The following DHTKD1 variants were observed in gnomAD, a reference collection of about 807,000 sequenced individuals.
DHTKD1 encodes the protein dehydrogenase E1 and transketolase domain containing 1.
In DHTKD1, 78 loss-of-function variants were observed where a neutral mutation model predicts 101.8. The observed-to-expected ratio is 0.77, with a 90% confidence interval of 0.64 to 0.93. The LOEUF is 0.93. Ranked by LOEUF, DHTKD1 falls within the 40% of genes least tolerant of loss-of-function variation. The pLI is 0.00. For synonymous variants in DHTKD1, 462 were observed against 450.3 expected (o/e 1.03, Z -0.33); for missense variants, 1,223 against 1,161.7 (o/e 1.05, Z -0.77).
chr10:12,094,677 G>A (rs957739950), intron 7 of DHTKD1, among the ~76,000 whole-genome samples: 4 of 151,870 alleles, frequency 2.6e-5, no homozygotes, highest in Non-Finnish European at 1.5e-5. Flanking sequence ...CACAGTTCTG[G>A]GCTGGAGTGC....
At chr10:12,092,738 G>A (rs1012112679) in intron 6 of DHTKD1, among the ~76,000 whole-genome samples, 1 of 151,974 alleles carries the variant, frequency 6.6e-6, no homozygotes, top group African/African-American at 2.4e-5. Flanking sequence ...GGGAGGCGGA[G>A]GTTGCAGTGA....
Position 12,097,707 on chromosome 10 carries a change from CAT to C in DHTKD1, c.1385_1386del (p.Tyr462CysfsTer17). 1 of 1,613,486 alleles carries C rather than the reference CAT, an allele frequency of 6.2e-7. No individual in the cohort carries two copies. The highest frequency in any genetic ancestry group is 8.5e-7 in the Non-Finnish European group (1 of 1,179,634). ...AGAGCTCGAAAGAGCATTCCAGACA[CAT>C]ATGCAGAGCACCTCATTGCTGGCGG... is the stretch of plus-strand genomic sequence containing the variant. On this transcript the variant is annotated frameshift_variant, in exon 8 of 17. Coordinates refer to ENST00000263035, the MANE Select transcript of DHTKD1 (RefSeq NM_018706.7). LOFTEE classifies it high-confidence loss of function.
rs1161663539 is a variant in DHTKD1 at position 12,084,637 on chromosome 10, A to G, written c.408A>G (p.Gln136=). The change falls in exon 3 of 17, where the codon CAA becomes CAG. Residue 136 remains glutamine (Q), a synonymous_variant. Transcript: ENST00000263035. The part of the protein sequence containing the change: ...YCGQISIETS[Q]LQSQDEKDWF... ...GGCAGATTTCTATTGAAACCTCCCA[A>G]CTTCAGAGCCAGGATGAGAAAGACT... 2.5e-6 allele frequency: 4 copies of G among 1,613,964 alleles called. No individual in the cohort carries two copies. Among genetic ancestry groups the G allele is most frequent in the Non-Finnish European group, 3.4e-6 (4 of 1,179,950 alleles).
intron 7 of DHTKD1, among the ~76,000 whole-genome samples, chr10:12,094,524 A>T (rs769720981): frequency 6.6e-6 from 1 of 150,782 alleles, no homozygotes; most frequent in Admixed American, 6.6e-5. Context: ...TTTAGTAGAG[A>T]TGGAGTTTTG....
In DHTKD1 at chr10:12,101,090, G is replaced by T; in HGVS notation, c.1805G>T (p.Ser602Ile). Reference protein sequence around the residue: ...SGQDVGRGTFSQRHAIVVCQE... With the variant: ...SGQDVGRGTFIQRHAIVVCQE... Reference sequence around the variant, plus strand: ...CAAGATGTTGGTCGTGGAACTTTCAGTCAGAGGCATGCAATCGTGGTTTGC... The same window carrying T: ...CAAGATGTTGGTCGTGGAACTTTCATTCAGAGGCATGCAATCGTGGTTTGC... Residue 602 changes from serine to isoleucine, a missense_variant, in exon 10 of 17, where the codon AGT becomes ATT. Physicochemically the swap from Ser to Ile is moderately radical, Grantham distance 142. Transcript: ENST00000263035. 1.2e-6 allele frequency: 2 copies of T among 1,614,098 alleles called. No homozygotes were observed. Among genetic ancestry groups the T allele is most frequent in the Non-Finnish European group, 1.7e-6 (2 of 1,180,022 alleles).
intron 3 of DHTKD1, among the ~76,000 whole-genome samples, chr10:12,085,059 A>G (rs1832877435): frequency 6.6e-6 from 1 of 152,020 alleles, no homozygotes; most frequent in African/African-American, 2.4e-5. Context: ...CTCAAAAAAA[A>G]AGGAGCATTT....
Position 12,101,091 on chromosome 10 carries a change from T to C in DHTKD1, c.1806T>C (p.Ser602=), listed in dbSNP as rs1442338566. The C allele has an allele frequency of 1.9e-6, 3 of 1,614,006 alleles. No individual in the cohort carries two copies. Among genetic ancestry groups the C allele is most frequent in the Admixed American group, 3.3e-5 (2 of 59,962 alleles). The change falls in exon 10 of 17, where the codon AGT becomes AGC. Residue 602 remains serine (S), a synonymous_variant. Coordinates refer to ENST00000263035, the MANE Select transcript of DHTKD1 (RefSeq NM_018706.7). ...SGQDVGRGTF[S]QRHAIVVCQE... is the part of the protein sequence containing the mutation. ...AAGATGTTGGTCGTGGAACTTTCAG[T>C]CAGAGGCATGCAATCGTGGTTTGCC...
intron 3 of DHTKD1, 123 bp downstream of exon 3, chr10:12,084,874 A>G (rs1444933122): frequency 1.2e-5 from 9 of 742,080 alleles, no homozygotes; most frequent in Non-Finnish European, 1.8e-5. Context: ...AACATGGAGA[A>G]ACCCCATCTC....
chr10:12,089,468 T>C (rs1832955594), intron 5 of DHTKD1, among the ~76,000 whole-genome samples: 2 of 152,194 alleles, frequency 1.3e-5, no homozygotes, highest in Admixed American at 1.3e-4. Flanking sequence ...ACTTCTGTTT[T>C]CCTTGCATGG....
At chr10:12,106,557 C>T (rs1355976557) in intron 11 of DHTKD1, among the ~76,000 whole-genome samples, 161 bp downstream of exon 11, 2 of 152,154 alleles carry the variant, frequency 1.3e-5, no homozygotes, top group Non-Finnish European at 2.9e-5. Flanking sequence ...GGAGTGTGGC[C>T]ACTGTCAGGT....
In DHTKD1 at chr10:12,094,162, C is replaced by T. The variant is rs759869851; in HGVS notation, c.1249C>T (p.Arg417Cys). The T allele has an allele frequency of 8.7e-6, 14 of 1,613,930 alleles. No individual in the cohort carries two copies. The highest frequency in any genetic ancestry group is 4.5e-5 in the East Asian group (2 of 44,894). The change falls in exon 7 of 17, where the codon CGC (arginine) becomes TGC (cysteine). Residue 417 changes from arginine (R) to cysteine (C), a missense_variant. Arg to Cys is a radical substitution (Grantham distance 180). Coordinates refer to ENST00000263035, the MANE Select transcript of DHTKD1 (RefSeq NM_018706.7). ...RATRLAFEYQ[R>C]QFRKDVIIDL... The stretch of plus-strand genomic sequence containing the variant: ...CACACGACTGGCTTTTGAATACCAA[C>T]GCCAGTTCCGCAAGGATGTGATTAT...
chr10:12,097,036 C>T (rs1423545819), intron 7 of DHTKD1, among the ~76,000 whole-genome samples: 1 of 152,136 alleles, frequency 6.6e-6, no homozygotes, highest in East Asian at 1.9e-4. Flanking sequence ...GAGGTTGTTA[C>T]TATGAGTGCC....
At chr10:12,113,427 A>G (rs775632843) in intron 13 of DHTKD1, among the ~76,000 whole-genome samples, 5 of 152,038 alleles carry the variant, frequency 3.3e-5, no homozygotes, top group Non-Finnish European at 7.4e-5. Flanking sequence ...CTAACTCTTG[A>G]CCTCAGGTGA....
rs780763589 is a variant in DHTKD1, at chr10:12,081,472, T to C, written c.155T>C (p.Val52Ala). The C allele has an allele frequency of 4.3e-6, 7 of 1,613,848 alleles. No individual in the cohort carries two copies. Among genetic ancestry groups the C allele is most frequent in the Non-Finnish European group, 4.2e-6 (5 of 1,179,886 alleles). The change falls in exon 2 of 17, where the codon GTT becomes GCT. Residue 52 changes from valine (V) to alanine (A), a missense_variant and splice_region_variant. Transcript: ENST00000263035. ...EPQGALERPP[V>A]DHGLARLVTV... ...ATTTTTAAATTTTCCCCTGATTTAG[T>C]TGATCATGGCCTTGCCAGGTTGGTG... is the stretch of plus-strand genomic sequence containing the variant.
At chr10:12,120,481 C>G in intron 16 of DHTKD1, 1 of 520,304 alleles carries the variant, frequency 1.9e-6, no homozygotes, top group South Asian at 2.1e-5. Context: ...CTACAGGCGC[C>G]CGCCACCACA....
chr10:12,091,271 G>A (rs766760421), intron 5 of DHTKD1, among the ~76,000 whole-genome samples: 9 of 151,156 alleles, frequency 6.0e-5, no homozygotes, highest in Non-Finnish European at 1.0e-4. Context: ...AATTAGCCGG[G>A]TGTGGTGGTG....
rs934030235 is a variant in DHTKD1 at position 12,099,045 on chromosome 10, C to T, written c.1671+1049C>T. 1.1e-4 allele frequency among the ~76,000 whole-genome samples: 17 copies of T among 152,044 alleles called. 1 individual carries two copies. Among genetic ancestry groups the T allele is most frequent in the Non-Finnish European group, 1.8e-4 (12 of 68,008 alleles). ...ATTTGCCTGGCATGGTGGCGCATGC[C>T]TGTAGTCTCAGCTCCTCAGGAGGCT... On this transcript the variant is annotated intron_variant, in intron 8 of 16. Transcript: ENST00000263035.
rs1220443429 is a variant in DHTKD1, at chr10:12,118,756, AC to A, written c.2413del (p.Leu805SerfsTer13). 4 of 1,565,346 alleles carry A rather than the reference AC, an allele frequency of 2.6e-6. No individual in the cohort carries two copies. Among genetic ancestry groups the A allele is most frequent in the Non-Finnish European group, 3.5e-6 (4 of 1,158,392 alleles). On this transcript the variant is annotated frameshift_variant, in exon 15 of 17. Transcript: ENST00000263035. LOFTEE classifies it high-confidence loss of function. ...DSSVDPKKVK[T>X]LVFCSGKHFY... Reference sequence around the variant, plus strand: ...TCCTTTTCTGTCCAACAGGGTTAAGACCCTCGTGTTCTGCTCCGGCAAACAT... The same window carrying A: ...TCCTTTTCTGTCCAACAGGGTTAAGACCTCGTGTTCTGCTCCGGCAAACAT...
rs1338496086 is a variant in DHTKD1, at chr10:12,069,111, C to G, written c.78C>G (p.Thr26=). ...ALPLFWRGYQ[T]ERGVYGYRPR... ...CTCTCTTCTGGCGTGGCTACCAGACCGAGCGGGGCGTTTACGGCTACCGGC... is the reference window on the plus strand; with the variant it reads ...CTCTCTTCTGGCGTGGCTACCAGACGGAGCGGGGCGTTTACGGCTACCGGC... Residue 26 remains threonine (T), a synonymous_variant, in exon 1 of 17, where the codon ACC becomes ACG. Coordinates refer to ENST00000263035, the MANE Select transcript of DHTKD1 (RefSeq NM_018706.7). The G allele has an allele frequency of 1.2e-6, 2 of 1,610,170 alleles. No homozygotes were observed. Among genetic ancestry groups the G allele is most frequent in the Non-Finnish European group, 8.5e-7 (1 of 1,179,012 alleles).
Sources: allele counts gnomAD v4.1 joint callset (sites outside exome capture counted in the v4.1 genomes callset), GRCh38; gene constraint gnomAD v4.1.1; transcripts MANE v1.5; gene names NCBI Gene and HGNC (gene_info 2026-07-23, HGNC 2026-07-21).